The following LARS1 variants were observed in gnomAD, a reference collection of about 807,000 sequenced individuals.
The protein encoded by LARS1 is leucine--tRNA ligase, cytoplasmic.
In LARS1, 100 loss-of-function variants were observed where a neutral mutation model predicts 162.8. The ratio of observed to expected loss-of-function variants is 0.61; its 90% CI spans 0.52 to 0.73. The LOEUF is 0.73. Ranked by LOEUF, LARS1 falls within the 30% of genes least tolerant of loss-of-function variation. LARS1 has a pLI of 0.00. For synonymous variants in LARS1, 457 were observed against 462.8 expected (o/e 0.99, Z 0.16); for missense variants, 1,258 against 1,408.9 (o/e 0.89, Z 1.71).
chr5:146,149,121 C>G (rs914609673), intron 15 of LARS1, among the ~76,000 whole-genome samples: 1 of 151,940 alleles, frequency 6.6e-6, no homozygotes, highest in Non-Finnish European at 1.5e-5. Context: ...TTAAATGTTA[C>G]CCCCTCCAAG....
chr5:146,159,811 T>C (rs1406690069), intron 7 of LARS1, among the ~76,000 whole-genome samples: 1 of 151,932 alleles, frequency 6.6e-6, no homozygotes. Context: ...TATTTTCATT[T>C]CTTAAGTTAT....
At chr5:146,178,190 C>G (rs962501483) in intron 1 of LARS1, among the ~76,000 whole-genome samples, 4 of 152,080 alleles carry the variant, frequency 2.6e-5, no homozygotes, top group African/African-American at 9.7e-5. Flanking sequence ...CTTTGATATG[C>G]TTTTTTAAAA....
At chr5:146,144,887 C>T (rs568413803) in intron 15 of LARS1, among the ~76,000 whole-genome samples, 178 bp from the exon 16 acceptor site, 2 of 152,246 alleles carry the variant, frequency 1.3e-5, no homozygotes, top group South Asian at 2.1e-4. Context: ...CTATGTAACA[C>T]CTGCTTTTAA....
At chr5:146,148,735 T>C (rs893283567) in intron 15 of LARS1, among the ~76,000 whole-genome samples, 2 of 137,218 alleles carry the variant, frequency 1.5e-5, no homozygotes, top group Non-Finnish European at 3.3e-5. Flanking sequence ...TACCTAACCC[T>C]GAAAAAAAAA....
At chr5:146,127,272 GA>G (rs983392382) in intron 27 of LARS1, among the ~76,000 whole-genome samples, 2 of 151,748 alleles carry the variant, frequency 1.3e-5, no homozygotes, top group African/African-American at 4.8e-5. Context: ...AAGTACATGG[GA>G]AAAAAATATT....
chr5:146,117,752 T>C (rs1751619763), intron 31 of LARS1, among the ~76,000 whole-genome samples: 1 of 151,214 alleles, frequency 6.6e-6, no homozygotes, highest in Admixed American at 6.7e-5. Context: ...CCTAGTTCAC[T>C]GAGAGGACAT....
Position 146,114,081 on chromosome 5 carries a change from G to A in LARS1, c.*25C>T. On this transcript the variant is annotated 3_prime_UTR_variant, in exon 32 of 32. Transcript: ENST00000394434. ...GAGTAGTAGTATTCCTAAGAAACCA[G>A]GATAAATCTCCAATGTGCATGAGTT... The A allele has an allele frequency of 6.4e-7, 1 of 1,569,882 alleles. No homozygotes were observed. Among genetic ancestry groups the A allele is most frequent in the Admixed American group, 1.7e-5 (1 of 59,954 alleles).
chr5:146,162,455 T>C (rs1753818376), intron 6 of LARS1, among the ~76,000 whole-genome samples: 1 of 151,864 alleles, frequency 6.6e-6, no homozygotes, highest in Non-Finnish European at 1.5e-5. Flanking sequence ...GTCTCAAGAG[T>C]GGGCTTAAAA....
rs1056181655 is a variant in LARS1 at position 146,157,721 on chromosome 5, A to T, written c.839+7T>A. 2 of 1,614,024 alleles carry T rather than the reference A, an allele frequency of 1.2e-6. No individual in the cohort carries two copies. The highest frequency in any genetic ancestry group is 1.7e-6 in the Non-Finnish European group (2 of 1,179,988). ...AAATGATAAAGCAATTACTCTGGCAAACCTACCTTAATTTAGATGGGTATG... is the reference window on the plus strand; with the variant it reads ...AAATGATAAAGCAATTACTCTGGCATACCTACCTTAATTTAGATGGGTATG... On this transcript the variant is annotated splice_region_variant and intron_variant, in intron 9 of 31. Transcript: ENST00000394434.
intron 10 of LARS1, among the ~76,000 whole-genome samples, chr5:146,154,896 C>G (rs1172406474): frequency 6.6e-6 from 1 of 151,964 alleles, no homozygotes; most frequent in Non-Finnish European, 1.5e-5. Flanking sequence ...TCTTGTTACT[C>G]AAGCTGGAGT....
intron 22 of LARS1, among the ~76,000 whole-genome samples, chr5:146,133,958 C>T (rs1232356366): frequency 6.6e-6 from 1 of 152,162 alleles, no homozygotes; most frequent in Non-Finnish European, 1.5e-5. Flanking sequence ...AATTCTACTG[C>T]CTCAGCCTCC....
intron 30 of LARS1, 95 bp from the exon 31 acceptor site, chr5:146,120,598 C>G (rs1751780058): frequency 8.4e-7 from 1 of 1,191,134 alleles, no homozygotes; most frequent in African/African-American, 1.5e-5. Flanking sequence ...AAAGACAGAT[C>G]TAATTCTGGT....
intron 24 of LARS1, chr5:146,130,361 T>C: frequency 1.7e-6 from 1 of 577,064 alleles, no homozygotes; most frequent in South Asian, 2.3e-5. Flanking sequence ...ATACTAATAA[T>C]TCTCAAAAAA....
At chr5:146,169,511 G>T (rs1754164312) in intron 4 of LARS1, among the ~76,000 whole-genome samples, 1 of 151,916 alleles carries the variant, frequency 6.6e-6, no homozygotes, top group South Asian at 2.1e-4. Context: ...ACATTCAGAG[G>T]CTCTCAAAGT....
intron 13 of LARS1, among the ~76,000 whole-genome samples, chr5:146,152,489 T>C (rs1753341958): frequency 6.6e-6 from 1 of 152,160 alleles, no homozygotes; most frequent in African/African-American, 2.4e-5. Flanking sequence ...CGAACCCTAT[T>C]GTGAACTGTG....
rs2962505 is a variant in LARS1 at position 146,154,223 on chromosome 5, A to T, written c.1066-243T>A. Among the ~76,000 whole-genome samples the T allele has an allele frequency of 0.97, 146,902 of 152,166 alleles. 71,135 individuals carry two copies. The highest frequency in any genetic ancestry group is 1 in the East Asian group (5,156 of 5,156). ...CTATGTTGCCAAGGCTAGAGTGTAG[A>T]GGCTATTCACAGGTGCTATCATAGC... is the stretch of plus-strand genomic sequence containing the variant. On this transcript the variant is annotated intron_variant, in intron 10 of 31. Coordinates refer to ENST00000394434, the MANE Select transcript of LARS1 (RefSeq NM_020117.11).
At chr5:146,129,466 C>G (rs1053367107) in intron 25 of LARS1, among the ~76,000 whole-genome samples, 8 of 152,138 alleles carry the variant, frequency 5.3e-5, no homozygotes, top group African/African-American at 1.9e-4. Context: ...GCTAATACAT[C>G]CAGTATTCAA....
chr5:146,164,823 G>C (rs1049036835), intron 5 of LARS1, among the ~76,000 whole-genome samples: 3 of 152,112 alleles, frequency 2.0e-5, no homozygotes, highest in Non-Finnish European at 4.4e-5. Flanking sequence ...TACCTATAAA[G>C]AGGCTACTCA....
chr5:146,158,955 G>C (rs1382216536), intron 8 of LARS1, among the ~76,000 whole-genome samples: 1 of 152,032 alleles, frequency 6.6e-6, no homozygotes, highest in Admixed American at 6.6e-5. Flanking sequence ...AATTAGCTGG[G>C]TGTGGTGGTG....
Sources: allele counts gnomAD v4.1 joint callset (sites outside exome capture counted in the v4.1 genomes callset), GRCh38; gene constraint gnomAD v4.1.1; transcripts MANE v1.5; gene names NCBI Gene and HGNC (gene_info 2026-07-23, HGNC 2026-07-21).